The following FRAS1 variants were observed in gnomAD, a reference collection of about 807,000 sequenced individuals.
The protein encoded by FRAS1 is extracellular matrix organizing protein FRAS1.
In FRAS1, 290 loss-of-function variants were observed where a neutral mutation model predicts 435.2. The observed-to-expected ratio is 0.67, with a 90% CI of 0.61 to 0.73. The LOEUF is 0.73. Ranked by LOEUF, FRAS1 falls within the 30% of genes least tolerant of loss-of-function variation. The probability of loss-of-function intolerance (pLI) is 0.00; values close to 1 mark genes in which losing one functional copy is unlikely to be tolerated. For synonymous variants in FRAS1, 1,800 were observed against 1,851.0 expected, an observed-to-expected ratio of 0.97 and a Z score of 0.71; for missense variants, 4,860 against 5,001.5, an observed-to-expected ratio of 0.97 and a Z score of 0.85.
Position 78,430,302 on chromosome 4 carries a change from G to A in FRAS1, c.4854G>A (p.Val1618=). The change falls in exon 37 of 74, where the codon GTG becomes GTA. Residue 1618 remains valine (V), a synonymous_variant. Transcript: ENST00000512123. Reference sequence around the variant, plus strand: ...TTCTCCTTGCTGCAGGACTTCAGGTGGTAGTAAGAGATGCTGAGACAGCGC... The same window carrying A: ...TTCTCCTTGCTGCAGGACTTCAGGTAGTAGTAAGAGATGCTGAGACAGCGC... ...PGGSTSVGLQ[V]VVRDAETAPK... The A allele has an allele frequency of 6.2e-7, 1 of 1,613,890 alleles. No individual in the cohort carries two copies. Among genetic ancestry groups the A allele is most frequent in the Non-Finnish European group, 8.5e-7 (1 of 1,179,856 alleles).
intron 47 of FRAS1, among the ~76,000 whole-genome samples, chr4:78,452,567 C>T (rs959076449): frequency 3.9e-5 from 6 of 152,208 alleles, no homozygotes; most frequent in Non-Finnish European, 5.9e-5. Context: ...TTAAAAGTTA[C>T]ATGTAAAATT....
At position 78,167,396 on chromosome 4, in the gene FRAS1, C is replaced by A. The variant is rs555655928; in HGVS notation, c.109-70114C>A. The stretch of plus-strand genomic sequence containing the variant: ...ATGAAGGTTAAATGTGTCATAGAGA[C>A]CCCAATATTCAGTGGGTCAAAAAAG... On this transcript the variant is annotated intron_variant, in intron 2 of 73. Transcript: ENST00000512123. Among the ~76,000 whole-genome samples, 13 of 151,604 alleles carry A rather than the reference C, an allele frequency of 8.6e-5. No individual in the cohort carries two copies. The South Asian group carries it at 2.3e-3, about 27-fold the overall frequency.
In FRAS1 at chr4:78,464,580, A is replaced by G; in HGVS notation, c.7026A>G (p.Thr2342=). 1 of 1,613,734 alleles carries G rather than the reference A, an allele frequency of 6.2e-7. No homozygotes were observed. Among genetic ancestry groups the G allele is most frequent in the Non-Finnish European group, 8.5e-7 (1 of 1,179,790 alleles). The change falls in exon 49 of 74, where the codon ACA becomes ACG. Residue 2342 remains threonine, a synonymous_variant. Coordinates refer to ENST00000512123, the MANE Select transcript of FRAS1 (RefSeq NM_025074.7). ...AGCTTAAGGCGGTGGATGCTGACACAGAGGTAAGAGCACTTCTTCCCATGG... is the reference window on the plus strand; with the variant it reads ...AGCTTAAGGCGGTGGATGCTGACACGGAGGTAAGAGCACTTCTTCCCATGG... The part of the protein sequence containing the change: ...EFELKAVDAD[T]EAESVTFTIV...
chr4:78,470,468 A>T (rs1719666898), intron 51 of FRAS1, among the ~76,000 whole-genome samples: 3 of 151,928 alleles, frequency 2.0e-5, no homozygotes, highest in Non-Finnish European at 4.4e-5. Context: ...GTTGCTATTG[A>T]CTCCTGGCCA....
intron 30 of FRAS1, among the ~76,000 whole-genome samples, chr4:78,403,690 C>T (rs1402335235): frequency 1.3e-5 from 2 of 152,094 alleles, no homozygotes; most frequent in Admixed American, 1.3e-4. Flanking sequence ...GACTCACCAC[C>T]GTTTTCAGAT....
intron 61 of FRAS1, among the ~76,000 whole-genome samples, chr4:78,500,322 T>A (rs1720636809): frequency 6.6e-6 from 1 of 152,064 alleles, no homozygotes; most frequent in South Asian, 2.1e-4. Context: ...GTTCAAGTGG[T>A]TTAATATCTG....
chr4:78,137,850 A>G (rs546174667), intron 2 of FRAS1, among the ~76,000 whole-genome samples: 66 of 152,358 alleles, frequency 4.3e-4, no homozygotes, highest in Admixed American at 1.0e-3. Context: ...TATCTGTTAA[A>G]TGGGGATGTT....
At chr4:78,539,568 C>A in intron 73 of FRAS1, 128 bp downstream of exon 73, 1 of 945,576 alleles carries the variant, frequency 1.1e-6, no homozygotes, top group Non-Finnish European at 1.6e-6. Flanking sequence ...GCTGGCAGAT[C>A]TTTTCTTATT....
chr4:78,208,062 G>A (rs1018197073), intron 2 of FRAS1, among the ~76,000 whole-genome samples: 19 of 152,120 alleles, frequency 1.2e-4, no homozygotes, highest in African/African-American at 4.1e-4. Context: ...AGGAGACACC[G>A]CAAATACTGT....
intron 73 of FRAS1, among the ~76,000 whole-genome samples, chr4:78,539,696 A>G (rs773713006): frequency 1.3e-5 from 2 of 152,170 alleles, no homozygotes; most frequent in Admixed American, 6.5e-5. Context: ...GCTGCATATG[A>G]CACTCCAGTT....
intron 66 of FRAS1, among the ~76,000 whole-genome samples, chr4:78,517,999 C>T (rs1289169207): frequency 6.6e-6 from 1 of 152,018 alleles, no homozygotes; most frequent in Admixed American, 6.6e-5. Context: ...TACCTGTAAT[C>T]TCAGTACTTT....
chr4:78,375,617 T>C (rs1731727819), intron 25 of FRAS1, 122 bp from the exon 26 acceptor site: 3 of 778,682 alleles, frequency 3.9e-6, no homozygotes, highest in Non-Finnish European at 5.9e-6. Flanking sequence ...CAGTATTCTC[T>C]TTTGTTACAG....
chr4:78,527,076 A>G (rs1419613583), intron 70 of FRAS1, among the ~76,000 whole-genome samples: 1 of 152,178 alleles, frequency 6.6e-6, no homozygotes, highest in Non-Finnish European at 1.5e-5. Context: ...AATATGTATT[A>G]AATAAGGGGT....
intron 2 of FRAS1, among the ~76,000 whole-genome samples, chr4:78,088,871 T>G (rs1259772214): frequency 6.6e-6 from 1 of 152,258 alleles, no homozygotes; most frequent in East Asian, 1.9e-4. Flanking sequence ...GTCAGTGTGG[T>G]GATTCTTCAG....
In FRAS1 at chr4:78,481,895, T is replaced by A. The variant is rs773905369; in HGVS notation, c.8535T>A (p.Ser2845=). 2.5e-5 allele frequency: 41 copies of A among 1,613,770 alleles called. No individual in the cohort carries two copies. Among genetic ancestry groups the A allele is most frequent in the African/African-American group, 4.0e-5 (3 of 74,896 alleles). Residue 2845 remains serine (S), a synonymous_variant, in exon 57 of 74, where the codon TCT becomes TCA. Coordinates refer to ENST00000512123, the MANE Select transcript of FRAS1 (RefSeq NM_025074.7). The part of the protein sequence containing the change: ...WCATRPSDPA[S]ATPGVDYVPS... ...CAACGCGGCCCTCAGACCCAGCTTC[T>A]GCCACACCAGGAGTTGACTACGTTC...
chr4:78,393,286 C>CT (rs1407829335), intron 29 of FRAS1, among the ~76,000 whole-genome samples: 1 of 151,810 alleles, frequency 6.6e-6, no homozygotes, highest in Non-Finnish European at 1.5e-5. Context: ...TAGTCATAGG[C>CT]ACTATGCTAT....
rs770682178 is a variant in FRAS1 at position 78,526,501 on chromosome 4, G to A, written c.10809-40G>A. 4.4e-6 allele frequency: 6 copies of A among 1,365,398 alleles called. No individual in the cohort carries two copies. In the Admixed American group the frequency reaches 6.1e-5, roughly 14 times the overall value. The allele number at this position is 1,365,398 out of a possible 1,614,324, so 84.6% of individuals were successfully genotyped here. ...TTCTGGGTAAGCCAGCAACCTATCAGTTGTTCCCTACGATCACAGTCTGCT... is the reference window on the plus strand; with the variant it reads ...TTCTGGGTAAGCCAGCAACCTATCAATTGTTCCCTACGATCACAGTCTGCT... On this transcript the variant is annotated intron_variant, in intron 69 of 73. Coordinates refer to ENST00000512123, the MANE Select transcript of FRAS1 (RefSeq NM_025074.7).
chr4:78,237,364 G>T lies in FRAS1; in HGVS notation c.109-146G>T, dbSNP rs1578200391. Reference sequence around the variant, plus strand: ...TATATTGCCTTGTGGGGTTTAATCAGTGCCCAGCAAGTACTGTGTGTGGTG... The same window carrying T: ...TATATTGCCTTGTGGGGTTTAATCATTGCCCAGCAAGTACTGTGTGTGGTG... On this transcript the variant is annotated intron_variant, in intron 2 of 73. Transcript: ENST00000512123. The T allele has an allele frequency of 2.1e-5, 12 of 561,104 alleles. No homozygotes were observed. The East Asian group carries it at 3.5e-4, about 16-fold the overall frequency. The allele number at this position is 561,104 out of a possible 1,614,324, so 34.8% of individuals were successfully genotyped here. A position where few individuals can be genotyped will look rare whatever the true frequency, so the allele number is the denominator to read the frequency against.
At chr4:78,491,797 G>T (rs772902471) in intron 59 of FRAS1, among the ~76,000 whole-genome samples, 3 of 152,174 alleles carry the variant, frequency 2.0e-5, no homozygotes, top group Non-Finnish European at 4.4e-5. Flanking sequence ...AAACGTTCTG[G>T]CTAGGGCAAA....
Sources: allele counts gnomAD v4.1 joint callset (sites outside exome capture counted in the v4.1 genomes callset), GRCh38; gene constraint gnomAD v4.1.1; transcripts MANE v1.5; gene names NCBI Gene and HGNC (gene_info 2026-07-23, HGNC 2026-07-21).